Variants in PDE4D observed in about 807,000 individuals in gnomAD.
PDE4D encodes 3',5'-cyclic-AMP phosphodiesterase 4D.
In PDE4D, 24 loss-of-function variants were observed where a neutral mutation model predicts 87.4. The observed-to-expected ratio is 0.27, with a 90% CI of 0.20 to 0.39. The LOEUF (loss-of-function observed/expected upper bound fraction) is 0.39, where lower values mean the gene tolerates loss of function less well. PDE4D is among the 10% of genes least tolerant of loss of function. PDE4D has a pLI of 1.00. For missense variants in PDE4D, 714 were observed against 1,041.0 expected (o/e 0.69, Z 4.32); for synonymous variants, 384 against 383.2 (o/e 1.00, Z -0.02).
intron 5 of PDE4D, among the ~76,000 whole-genome samples, chr5:59,086,526 C>T (rs1057067945): frequency 6.6e-6 from 1 of 152,084 alleles, no homozygotes; most frequent in African/African-American, 2.4e-5. Flanking sequence ...TTAGTCTACT[C>T]ATTGCCTGTG....
Position 59,067,981 on chromosome 5 carries a change from A to AAAGG in PDE4D, c.809-29011_809-29010insCCTT, listed in dbSNP as rs1764186807. On this transcript the variant is annotated intron_variant, in intron 5 of 14. Coordinates refer to ENST00000340635, the MANE Select transcript of PDE4D (RefSeq NM_001104631.2). The stretch of plus-strand genomic sequence containing the variant: ...TATGTTGTCAGTTTTTCATGACTCA[A>AAAGG]AATTTATGAAAAACCATCTAAGACT... Among the ~76,000 whole-genome samples, 6 of 152,332 alleles carry AAAGG rather than the reference A, an allele frequency of 3.9e-5. No individual in the cohort carries two copies. The South Asian group carries it at 1.2e-3, about 32-fold the overall frequency.
chr5:59,561,837 C>A (rs747766400), intron 1 of PDE4D, among the ~76,000 whole-genome samples: 8 of 151,948 alleles, frequency 5.3e-5, no homozygotes, highest in Admixed American at 6.6e-5. Flanking sequence ...GAGGCTGAGG[C>A]CGGAGAATTG....
intron 1 of PDE4D, among the ~76,000 whole-genome samples, chr5:60,336,026 G>C (rs1455959694): frequency 1.3e-5 from 2 of 152,180 alleles, no homozygotes; most frequent in African/African-American, 4.8e-5. Flanking sequence ...CAGCCTCACA[G>C]GGTAGGTTAT....
chr5:60,334,094 T>C (rs1757540381), intron 1 of PDE4D, among the ~76,000 whole-genome samples: 1 of 152,192 alleles, frequency 6.6e-6, no homozygotes, highest in Admixed American at 6.6e-5. Flanking sequence ...AATGTCAATG[T>C]CTATGTGTTT....
At chr5:59,434,424 C>T (rs549812028) in intron 1 of PDE4D, among the ~76,000 whole-genome samples, 4 of 152,136 alleles carry the variant, frequency 2.6e-5, no homozygotes, top group South Asian at 2.1e-4. Flanking sequence ...CCCCAACCCT[C>T]GTGTTTTCTG....
At chr5:60,428,915 G>A (rs533026867) in intron 1 of PDE4D, among the ~76,000 whole-genome samples, 2 of 152,242 alleles carry the variant, frequency 1.3e-5, no homozygotes, top group South Asian at 2.1e-4. Flanking sequence ...GACAGACTTC[G>A]GTCCAAAGTC....
At chr5:60,486,796 C>A (rs1362978969) in intron 1 of PDE4D, among the ~76,000 whole-genome samples, 1 of 152,146 alleles carries the variant, frequency 6.6e-6, no homozygotes, top group East Asian at 1.9e-4. Context: ...GAGAGTTATA[C>A]ATAGCACAAA....
chr5:59,906,435 CTG>C (rs973751648), intron 3 of PDE4D, among the ~76,000 whole-genome samples: 10 of 152,120 alleles, frequency 6.6e-5, no homozygotes, highest in Admixed American at 1.3e-4. Flanking sequence ...GTCAGGCAAA[CTG>C]TGGCTATTAG....
At chr5:60,468,632 G>A (rs79847264) in intron 1 of PDE4D, among the ~76,000 whole-genome samples, 4,160 of 151,234 alleles carry the variant, frequency 0.028, 88 homozygotes, top group Middle Eastern at 0.089. Context: ...TTTTTTAAGA[G>A]TCAGGGTTAC....
chr5:59,144,061 A>G (rs1246003014), intron 5 of PDE4D, among the ~76,000 whole-genome samples: 1 of 152,228 alleles, frequency 6.6e-6, no homozygotes, highest in Non-Finnish European at 1.5e-5. Context: ...AAGATCACAG[A>G]TCCAAATAAA....
chr5:59,511,619 T>C (rs1055847249), intron 1 of PDE4D, among the ~76,000 whole-genome samples: 4 of 152,002 alleles, frequency 2.6e-5, no homozygotes, highest in African/African-American at 4.8e-5. Context: ...TTCACAAAAC[T>C]AGAAAACAAG....
intron 1 of PDE4D, among the ~76,000 whole-genome samples, chr5:59,744,552 A>G (rs1759328807): frequency 6.6e-6 from 1 of 152,138 alleles, no homozygotes; most frequent in African/African-American, 2.4e-5. Flanking sequence ...AGAACTCATC[A>G]TGAGGTCTAT....
At chr5:59,217,051 G>A (rs1407895128) in intron 1 of PDE4D, among the ~76,000 whole-genome samples, 1 of 152,144 alleles carries the variant, frequency 6.6e-6, no homozygotes, top group Non-Finnish European at 1.5e-5. Flanking sequence ...AAGGCACTGT[G>A]CTCAGCAATA....
intron 3 of PDE4D, among the ~76,000 whole-genome samples, chr5:59,939,977 A>T (rs1275764976): frequency 6.6e-6 from 1 of 152,170 alleles, no homozygotes; most frequent in African/African-American, 2.4e-5. Flanking sequence ...TTTATTACTC[A>T]TACAAGTGGA....
chr5:59,537,418 T>G (rs1284397827), intron 1 of PDE4D, among the ~76,000 whole-genome samples: 1 of 152,218 alleles, frequency 6.6e-6, no homozygotes, highest in Non-Finnish European at 1.5e-5. Context: ...AATAAATTAT[T>G]CATGCTTCCT....
Position 59,723,112 on chromosome 5 carries a change from C to T in PDE4D, c.455+170056G>A, listed in dbSNP as rs1756087409. Among the ~76,000 whole-genome samples the T allele has an allele frequency of 2.0e-5, 3 of 152,174 alleles. No individual in the cohort carries two copies. In the South Asian group the frequency reaches 6.2e-4, roughly 32 times the overall value. Reference sequence around the variant, plus strand: ...GTCACATCAAAACCAAAGCAATTTTCATCCCTCATATTCAGGTCTAGTGGA... The same window carrying T: ...GTCACATCAAAACCAAAGCAATTTTTATCCCTCATATTCAGGTCTAGTGGA... On this transcript the variant is annotated intron_variant, in intron 1 of 14. Coordinates refer to ENST00000340635, the MANE Select transcript of PDE4D (RefSeq NM_001104631.2).
intron 1 of PDE4D, among the ~76,000 whole-genome samples, chr5:60,278,905 T>C (rs1751623029): frequency 6.6e-6 from 1 of 152,216 alleles, no homozygotes; most frequent in Non-Finnish European, 1.5e-5. Flanking sequence ...AGTGTTGGTA[T>C]CTATTAATTG....
chr5:60,403,085 C>G (rs1741227501), intron 1 of PDE4D, among the ~76,000 whole-genome samples: 1 of 152,130 alleles, frequency 6.6e-6, no homozygotes, highest in African/African-American at 2.4e-5. Flanking sequence ...CCAGGAAAGG[C>G]CAGATGCTAG....
At chr5:59,786,299 G>T (rs2152636885) in intron 1 of PDE4D, among the ~76,000 whole-genome samples, 1 of 152,220 alleles carries the variant, frequency 6.6e-6, no homozygotes, top group Middle Eastern at 3.4e-3. Flanking sequence ...TTCTAAACAG[G>T]GATTTAGAAA....
Sources: gnomAD v4.1 joint callset for allele counts (sites outside exome capture counted in the v4.1 genomes callset) on GRCh38, gnomAD v4.1.1 for gene constraint, MANE v1.5 for transcripts, NCBI Gene and HGNC (gene_info 2026-07-23, HGNC 2026-07-21) for gene names.